The following KRABD3 variants were observed in gnomAD, a reference collection of about 807,000 sequenced individuals.
KRABD3 encodes KRAB domain containing 3.
At chr7:149,724,540 C>T in the KRABD3 span, 795 of 698,290 alleles carry the variant, frequency 1.1e-3, 11 homozygotes, top group East Asian at 0.022. Flanking sequence ...CGGTGACTGC[C>T]GTGGAGGCAC....
chr7:149,730,228 C>T, the KRABD3 span: 2 of 1,569,060 alleles, frequency 1.3e-6, no homozygotes, highest in Non-Finnish European at 1.7e-6. Flanking sequence ...TTGCGCTTCG[C>T]CTGCGTGGGA....
chr7:149,724,846 C>G, the KRABD3 span: 1 of 1,574,192 alleles, frequency 6.4e-7, no homozygotes, highest in Non-Finnish European at 8.6e-7. Flanking sequence ...CCCTGAGGCT[C>G]AAGGTGAGGC....
the KRABD3 span, chr7:149,733,475 CG>C: frequency 1.3e-6 from 2 of 1,579,234 alleles, no homozygotes; most frequent in Non-Finnish European, 8.6e-7. Flanking sequence ...GCTGGGGAGG[CG>C]CCCCCAAGGC....
At chr7:149,724,863 T>G in the KRABD3 span, 1 of 1,543,728 alleles carries the variant, frequency 6.5e-7, no homozygotes, top group Non-Finnish European at 8.7e-7. Context: ...AGGCCTGAGA[T>G]TGGCTGCTCT....
the KRABD3 span, chr7:149,722,824 T>C: frequency 7.4e-6 from 12 of 1,611,626 alleles, no homozygotes; most frequent in Non-Finnish European, 1.0e-5. Context: ...CCTCATCAAC[T>C]GTCTGAAGGA....
At chr7:149,728,712 G>A in the KRABD3 span, 5 of 1,605,124 alleles carry the variant, frequency 3.1e-6, no homozygotes, top group African/African-American at 5.3e-5. Context: ...TGTAGACAGG[G>A]CTGCTCTGAG....
At chr7:149,727,598 A>T in the KRABD3 span, among the ~76,000 whole-genome samples, 2 of 151,894 alleles carry the variant, frequency 1.3e-5, no homozygotes, top group Non-Finnish European at 2.9e-5. Context: ...CCCTTTCTAT[A>T]CTTTTCATGT....
At chr7:149,726,506 C>T in the KRABD3 span, among the ~76,000 whole-genome samples, 1 of 151,164 alleles carries the variant, frequency 6.6e-6, no homozygotes, top group East Asian at 2.0e-4. Context: ...GGCACAATCT[C>T]GGCTCACTGC....
chr7:149,730,436 C>A, the KRABD3 span: 1 of 1,592,844 alleles, frequency 6.3e-7, no homozygotes, highest in Non-Finnish European at 8.5e-7. Flanking sequence ...AGAGAGGGAC[C>A]GCCTTCCCAG....
the KRABD3 span, chr7:149,725,303 C>T: frequency 6.4e-7 from 1 of 1,568,176 alleles, no homozygotes. Context: ...AGGGTGCTCT[C>T]TCCTGTTCCA....
the KRABD3 span, chr7:149,722,854 C>T: frequency 1.1e-4 from 175 of 1,613,288 alleles, no homozygotes; most frequent in Middle Eastern, 1.6e-4. Context: ...GCCTGGGCCC[C>T]GGCACCCCGA....
chr7:149,720,071 G>T, the KRABD3 span: 4 of 1,553,550 alleles, frequency 2.6e-6, no homozygotes, highest in South Asian at 3.6e-5. Context: ...AGAGCTGTTG[G>T]GGGAGGGAGC....
chr7:149,720,936 C>T, the KRABD3 span: 1 of 1,613,688 alleles, frequency 6.2e-7, no homozygotes, highest in Non-Finnish European at 8.5e-7. Flanking sequence ...TATGGACAGC[C>T]CCGAGAGCGA....
At chr7:149,723,559 C>G in the KRABD3 span, 1 of 610,356 alleles carries the variant, frequency 1.6e-6, no homozygotes, top group Non-Finnish European at 2.8e-6. Context: ...CCTCTTTGCC[C>G]TGTCCGGTTC....
chr7:149,724,301 C>T, the KRABD3 span, among the ~76,000 whole-genome samples: 1 of 152,174 alleles, frequency 6.6e-6, no homozygotes, highest in African/African-American at 2.4e-5. Context: ...CACAGGGGTT[C>T]GTGTTCCGTG....
chr7:149,724,707 G>A, the KRABD3 span: 1 of 1,550,508 alleles, frequency 6.4e-7, no homozygotes, highest in Non-Finnish European at 8.7e-7. Context: ...CTGGCGGTCT[G>A]CTCTCTGTGA....
the KRABD3 span, chr7:149,733,880 C>T: frequency 6.3e-7 from 1 of 1,590,856 alleles, no homozygotes; most frequent in Non-Finnish European, 8.5e-7. Flanking sequence ...GGGAGCCTCT[C>T]CTCCTGCAGC....
chr7:149,722,291 G>A, the KRABD3 span: 1 of 1,245,104 alleles, frequency 8.0e-7, no homozygotes. Context: ...AACGGTAAAG[G>A]CCCTCAGCCC....
At chr7:149,722,372 A>G in the KRABD3 span, 5 of 1,568,372 alleles carry the variant, frequency 3.2e-6, no homozygotes, top group Non-Finnish European at 3.5e-6. Flanking sequence ...GTGATTTTCC[A>G]GAGTCTGGAG....
Sources: allele counts gnomAD v4.1 joint callset (sites outside exome capture counted in the v4.1 genomes callset), GRCh38; gene constraint gnomAD v4.1.1; transcripts MANE v1.5; gene names NCBI Gene and HGNC (gene_info 2026-07-23, HGNC 2026-07-21).